Variants in CSMD3 observed in about 807,000 individuals in gnomAD.
CSMD3 encodes the protein CUB and sushi domain-containing protein 3.
A neutral mutation model predicts 435.2 loss-of-function variants in CSMD3; 177 were observed. The ratio of observed to expected loss-of-function variants is 0.41; its 90% CI spans 0.36 to 0.46. The LOEUF is 0.46. CSMD3 is among the 20% of genes least tolerant of loss of function. CSMD3 has a pLI of 0.34. For missense variants in CSMD3, 4,265 were observed against 4,504.6 expected (o/e 0.95, Z 1.52); for synonymous variants, 1,656 against 1,520.5 (o/e 1.09, Z -2.07).
In CSMD3 at chr8:112,390,803, G is replaced by A. The variant is rs1401298170; in HGVS notation, c.5810-15C>T. 6 of 1,612,116 alleles carry A rather than the reference G, an allele frequency of 3.7e-6. No homozygotes were observed. In the South Asian group the frequency reaches 4.4e-5, roughly 12 times the overall value. ...ACCACAGGGCACTGAAAATAAAGCA[G>A]TCCAAGAGAGGGAGTTAATTCTAAT... On this transcript the variant is annotated splice_polypyrimidine_tract_variant and intron_variant, in intron 35 of 70. Transcript: ENST00000297405.
chr8:112,770,207 G>T (rs6469438), intron 13 of CSMD3, among the ~76,000 whole-genome samples: 50,416 of 151,746 alleles, frequency 0.33, 9,221 homozygotes, highest in African/African-American at 0.5. Flanking sequence ...TCCACCTCCA[G>T]AATTCATGTT....
At chr8:113,092,592 A>C (rs543857867) in intron 5 of CSMD3, among the ~76,000 whole-genome samples, 21 of 152,244 alleles carry the variant, frequency 1.4e-4, no homozygotes, top group African/African-American at 5.0e-4. Context: ...AATGTAGGTC[A>C]GCAACTAAAA....
intron 20 of CSMD3, among the ~76,000 whole-genome samples, chr8:112,642,926 TCA>T (rs1295200944): frequency 6.6e-6 from 1 of 152,192 alleles, no homozygotes; most frequent in African/African-American, 2.4e-5. Flanking sequence ...CATGATGTGT[TCA>T]GTTTTAGAAA....
intron 27 of CSMD3, chr8:112,539,160 T>C (rs1391444643): frequency 6.5e-6 from 1 of 153,350 alleles, no homozygotes; most frequent in African/African-American, 2.4e-5. Flanking sequence ...GAGTACTAAG[T>C]ATTGTTGGCC....
intron 1 of CSMD3, among the ~76,000 whole-genome samples, chr8:113,392,195 T>A (rs2094463757): frequency 6.6e-6 from 1 of 152,100 alleles, no homozygotes; most frequent in Admixed American, 6.6e-5. Context: ...AAGTATTGGA[T>A]CCTGATCCAC....
At chr8:112,813,181 T>C (rs1453199997) in intron 12 of CSMD3, among the ~76,000 whole-genome samples, 2 of 152,010 alleles carry the variant, frequency 1.3e-5, no homozygotes, top group Non-Finnish European at 2.9e-5. Context: ...GCTGTAGGCT[T>C]TATTGAGCAG....
chr8:112,623,991 T>C (rs572964672), intron 22 of CSMD3, among the ~76,000 whole-genome samples: 83 of 152,174 alleles, frequency 5.5e-4, no homozygotes, highest in African/African-American at 1.9e-3. Context: ...AATCCTGATC[T>C]GTTAATATGA....
At chr8:112,907,758 A>G (rs962590519) in intron 10 of CSMD3, among the ~76,000 whole-genome samples, 2 of 151,422 alleles carry the variant, frequency 1.3e-5, no homozygotes, top group African/African-American at 2.4e-5. Flanking sequence ...TAGAGGCTCC[A>G]AAATGCCAGG....
intron 59 of CSMD3, among the ~76,000 whole-genome samples, chr8:112,279,156 AAAGAT>A (rs1818386554): frequency 6.6e-6 from 1 of 152,228 alleles, no homozygotes; most frequent in East Asian, 1.9e-4. Context: ...TATTCAACAG[AAAGAT>A]AAAATAACAG....
At chr8:113,354,434 C>A (rs2094208512) in intron 1 of CSMD3, among the ~76,000 whole-genome samples, 1 of 152,072 alleles carries the variant, frequency 6.6e-6, no homozygotes, top group Admixed American at 6.6e-5. Context: ...AAATACAAAT[C>A]ATAAAATTAT....
intron 4 of CSMD3, among the ~76,000 whole-genome samples, chr8:113,130,835 G>C (rs1276363928): frequency 6.6e-6 from 1 of 152,120 alleles, no homozygotes; most frequent in African/African-American, 2.4e-5. Context: ...GGACAACGAA[G>C]TCCAGGCTGA....
chr8:113,259,100 T>G (rs2093406327), intron 3 of CSMD3, among the ~76,000 whole-genome samples: 2 of 152,104 alleles, frequency 1.3e-5, no homozygotes, highest in South Asian at 4.1e-4. Context: ...GCAAGTTGAT[T>G]GCAAAAAAAT....
At chr8:112,823,531 C>G (rs936965542) in intron 12 of CSMD3, among the ~76,000 whole-genome samples, 2 of 152,116 alleles carry the variant, frequency 1.3e-5, no homozygotes, top group African/African-American at 4.8e-5. Flanking sequence ...TCGTTATTCT[C>G]ATTGGTTTTA....
At chr8:113,415,759 G>T (rs2129867613) in intron 1 of CSMD3, among the ~76,000 whole-genome samples, 1 of 152,126 alleles carries the variant, frequency 6.6e-6, no homozygotes, top group African/African-American at 2.4e-5. Context: ...TTTGGGTAGG[G>T]TTGTCATATG....
intron 46 of CSMD3, 102 bp downstream of exon 46, chr8:112,319,798 AG>A: frequency 1.2e-6 from 1 of 820,746 alleles, no homozygotes. Flanking sequence ...ACAGGGAATG[AG>A]GGTCTCAAGA....
chr8:113,207,113 A>G (rs765366928), intron 3 of CSMD3, among the ~76,000 whole-genome samples: 34 of 152,164 alleles, frequency 2.2e-4, no homozygotes, highest in Non-Finnish European at 2.1e-4. Context: ...GATAATGTAC[A>G]CTAAACCACT....
chr8:112,938,856 C>T (rs531801430), intron 9 of CSMD3, among the ~76,000 whole-genome samples: 1 of 152,140 alleles, frequency 6.6e-6, no homozygotes, highest in Admixed American at 6.6e-5. Context: ...AAGCCATACT[C>T]CCTGGGTACA....
At chr8:112,370,492 T>C (rs1416634113) in intron 38 of CSMD3, among the ~76,000 whole-genome samples, 2 of 152,182 alleles carry the variant, frequency 1.3e-5, no homozygotes, top group East Asian at 1.9e-4. Context: ...TAAGCCCCAC[T>C]TACTTTTCCT....
chr8:112,364,601 C>G (rs1203212003), intron 38 of CSMD3, among the ~76,000 whole-genome samples: 1 of 151,924 alleles, frequency 6.6e-6, no homozygotes, highest in Non-Finnish European at 1.5e-5. Context: ...ATGGAAAGGA[C>G]ATATTCATAT....
Sources: allele counts gnomAD v4.1 joint callset (sites outside exome capture counted in the v4.1 genomes callset), GRCh38; gene constraint gnomAD v4.1.1; transcripts MANE v1.5; gene names NCBI Gene and HGNC (gene_info 2026-07-23, HGNC 2026-07-21).